The following ZBTB46 variants were observed in gnomAD, a reference collection of about 807,000 sequenced individuals.
The protein encoded by ZBTB46 is zinc finger and BTB domain containing 46, also known as zinc finger and BTB domain-containing protein 46.
Under a neutral mutation model 44.1 loss-of-function variants are expected in ZBTB46, and 8 were observed. The ratio of observed to expected loss-of-function variants is 0.18; its 90% CI spans 0.11 to 0.33. ZBTB46 has a LOEUF of 0.33. ZBTB46 is among the 10% of genes least tolerant of loss of function. The pLI is 1.00. For synonymous variants in ZBTB46, 409 were observed against 382.3 expected (o/e 1.07, Z -0.81); for missense variants, 651 against 847.7 (o/e 0.77, Z 2.88).
At position 63,775,784 on chromosome 20, in the gene ZBTB46, C is replaced by T. The variant is rs984437948; in HGVS notation, c.1116G>A (p.Ala372=). ...GCAGGCTGTTCTTACTCATGAGCGC[C>T]GCGCGCAGGTTGGCCACCGCGGTGG... ...HQATAVANLR[A]ALMSKNSLLS... is the part of the protein sequence containing the mutation. Residue 372 remains alanine (A), a synonymous_variant, in exon 3 of 5, where the codon GCG becomes GCA. Coordinates refer to ENST00000245663, the MANE Select transcript of ZBTB46 (RefSeq NM_001369741.1). The T allele has an allele frequency of 1.8e-5, 29 of 1,613,242 alleles. No homozygotes were observed. The highest frequency in any genetic ancestry group is 1.2e-4 in the Admixed American group (7 of 59,994).
At chr20:63,799,096 T>A (rs6010656) in intron 1 of ZBTB46, among the ~76,000 whole-genome samples, 26,607 of 151,702 alleles carry the variant, frequency 0.18, 2,799 homozygotes, top group East Asian at 0.45. Flanking sequence ...AGTGGCATGA[T>A]CAGGGCTCAC....
intron 1 of ZBTB46, among the ~76,000 whole-genome samples, chr20:63,793,673 C>T (rs6011115): frequency 2.1e-5 from 2 of 93,516 alleles, no homozygotes; most frequent in Non-Finnish European, 4.8e-5. Context: ...ATAGAAGCAG[C>T]GGCTACCTCA....
rs1333544716 is a variant in ZBTB46, at chr20:63,745,667, GTCC to G, written c.*1260_*1262del. 1 of 152,342 alleles carries G rather than the reference GTCC, an allele frequency of 6.6e-6. No individual in the cohort carries two copies. Among genetic ancestry groups the G allele is most frequent in the African/African-American group, 2.4e-5 (1 of 41,476 alleles). The allele number at this position is 152,342 out of a possible 1,614,324, so 9.4% of individuals were successfully genotyped here. On this transcript the variant is annotated 3_prime_UTR_variant, in exon 5 of 5. Transcript: ENST00000245663. ...CAGAGGAGGGGGTGAAGGATGGAATGTCCTCATGGTGAGTGCTGTCAGAGGCAG... is the reference window on the plus strand; with the variant it reads ...CAGAGGAGGGGGTGAAGGATGGAATGTCATGGTGAGTGCTGTCAGAGGCAG...
chr20:63,814,480 C>T (rs1397650646), intron 1 of ZBTB46, among the ~76,000 whole-genome samples: 2 of 152,154 alleles, frequency 1.3e-5, no homozygotes, highest in Non-Finnish European at 2.9e-5. Context: ...GGTGCAAATG[C>T]GGTGAGAGAG....
intron 3 of ZBTB46, among the ~76,000 whole-genome samples, chr20:63,773,252 A>G: frequency 7.5e-6 from 1 of 133,942 alleles, no homozygotes; most frequent in African/African-American, 3.1e-5. Flanking sequence ...TTTTTGAGAC[A>G]GTGTCTCACT....
intron 2 of ZBTB46, among the ~76,000 whole-genome samples, chr20:63,780,098 C>T (rs1337024057): frequency 6.6e-5 from 10 of 151,678 alleles, no homozygotes; most frequent in Non-Finnish European, 1.3e-4. Flanking sequence ...CGGTGAAACC[C>T]CGTCTCTACT....
At position 63,787,927 on chromosome 20, in the gene ZBTB46, G is replaced by C. The variant is rs1212636950; in HGVS notation, c.937+1894C>G. On this transcript the variant is annotated intron_variant, in intron 2 of 4. Coordinates refer to ENST00000245663, the MANE Select transcript of ZBTB46 (RefSeq NM_001369741.1). The surrounding 1 kb of genome is among the most constrained non-coding windows in gnomAD (Gnocchi z 4.6). Reference sequence around the variant, plus strand: ...CCTGCCCAGGAAGCCCTCCAGCCAGGGGGGCAGGCAGCGTCTCCCACTGCG... The same window carrying C: ...CCTGCCCAGGAAGCCCTCCAGCCAGCGGGGCAGGCAGCGTCTCCCACTGCG... The C allele has an allele frequency of 1.3e-5, 2 of 152,224 alleles. No individual in the cohort carries two copies. The highest frequency in any genetic ancestry group is 2.9e-5 in the Non-Finnish European group (2 of 68,038). 9.4% of individuals were successfully genotyped at this position (152,224 alleles called of 1,614,324 possible). A position where few individuals can be genotyped will look rare whatever the true frequency, so the allele number is the denominator to read the frequency against.
At chr20:63,757,539 C>A (rs993966082) in intron 3 of ZBTB46, among the ~76,000 whole-genome samples, 5 of 152,146 alleles carry the variant, frequency 3.3e-5, no homozygotes, top group Non-Finnish European at 5.9e-5. Context: ...CGGGCCCTGG[C>A]GGCGTGTCTA....
intron 1 of ZBTB46, among the ~76,000 whole-genome samples, chr20:63,799,780 C>A (rs964160805): frequency 1.3e-5 from 2 of 152,222 alleles, no homozygotes; most frequent in Non-Finnish European, 2.9e-5. Context: ...GCAAGCTCCC[C>A]CATGAGAGTG....
In ZBTB46 at chr20:63,778,654, G is replaced by A. The variant is rs115010225; in HGVS notation, c.938-2692C>T. On this transcript the variant is annotated intron_variant, in intron 2 of 4. Coordinates refer to ENST00000245663, the MANE Select transcript of ZBTB46 (RefSeq NM_001369741.1). ...GGAGTCTCCAGGGACAGTGACATTC[G>A]GACCGTCGAGCTACCTATGACTTCT... Among the ~76,000 whole-genome samples, 422 of 152,272 alleles carry A rather than the reference G, an allele frequency of 2.8e-3. 4 individuals are homozygous for A. Among genetic ancestry groups the A allele is most frequent in the African/African-American group, 9.8e-3 (407 of 41,552 alleles).
In ZBTB46 at chr20:63,803,273, TAAG is replaced by T; in HGVS notation, c.-33-12486_-33-12484del. On this transcript the variant is annotated intron_variant, in intron 1 of 4. Coordinates refer to ENST00000245663, the MANE Select transcript of ZBTB46 (RefSeq NM_001369741.1). The surrounding 1 kb of genome is among the most constrained non-coding windows in gnomAD (Gnocchi z 4.0). ...ATGGTTTACCTTCTTCTGAAAAAAT[TAAG>T]GTTAAGACATGAATACTGTGAAACT... 1.0e-6 allele frequency: 1 copy of T among 979,868 alleles called. No individual in the cohort carries two copies. Among genetic ancestry groups the T allele is most frequent in the Non-Finnish European group, 1.2e-6 (1 of 824,896 alleles). 60.7% of individuals were successfully genotyped at this position (979,868 alleles called of 1,614,324 possible).
chr20:63,762,393 C>A (rs2092284796), intron 3 of ZBTB46, among the ~76,000 whole-genome samples: 1 of 147,516 alleles, frequency 6.8e-6, no homozygotes, highest in South Asian at 2.2e-4. Flanking sequence ...GTAGCTCACA[C>A]CTGTAATCCC....
chr20:63,775,735 C>T lies in ZBTB46; in HGVS notation c.1165G>A (p.Gly389Arg). The change falls in exon 3 of 5, where the codon GGG (glycine) becomes AGG (arginine). Residue 389 changes from glycine to arginine, a missense_variant. Gly to Arg is a moderately radical substitution (Grantham distance 125). This residue lies in a region of ZBTB46 where 385 missense variants were observed against 423.3 expected (regional missense o/e 0.91). Coordinates refer to ENST00000245663, the MANE Select transcript of ZBTB46 (RefSeq NM_001369741.1). Reference sequence around the variant, plus strand: ...TCGAACAGCAGGGAGCCGTCATCCCCCAGCACGTCGGCCTTCAGCGACAGC... The same window carrying T: ...TCGAACAGCAGGGAGCCGTCATCCCTCAGCACGTCGGCCTTCAGCGACAGC... The part of the protein sequence containing the change: ...SLLSLKADVL[G>R]DDGSLLFEYL... 1 of 1,611,206 alleles carries T rather than the reference C, an allele frequency of 6.2e-7. No individual in the cohort carries two copies. Among genetic ancestry groups the T allele is most frequent in the Non-Finnish European group, 8.5e-7 (1 of 1,178,576 alleles).
intron 1 of ZBTB46, among the ~76,000 whole-genome samples, chr20:63,791,427 C>T (rs970074335): frequency 9.1e-5 from 12 of 132,104 alleles, no homozygotes; most frequent in African/African-American, 2.0e-4. Context: ...ACCCGGGAGG[C>T]GGAGCCTGCA....
At chr20:63,753,158 G>A (rs1179945941) in intron 3 of ZBTB46, among the ~76,000 whole-genome samples, 2 of 152,190 alleles carry the variant, frequency 1.3e-5, no homozygotes, top group Non-Finnish European at 2.9e-5. Context: ...GGGTAAGAAC[G>A]GCCAATGCTG....
chr20:63,768,187 T>G, intron 3 of ZBTB46: 2 of 910,614 alleles, frequency 2.2e-6, no homozygotes, highest in Non-Finnish European at 1.3e-6. Flanking sequence ...AACAAAACAT[T>G]AACACCTGCC....
chr20:63,766,362 C>G, intron 3 of ZBTB46, among the ~76,000 whole-genome samples: 1 of 151,758 alleles, frequency 6.6e-6, no homozygotes, highest in South Asian at 2.1e-4. Flanking sequence ...ATTACAGGCG[C>G]CCGCCACCAC....
At chr20:63,782,566 G>T (rs562005148) in intron 2 of ZBTB46, among the ~76,000 whole-genome samples, 1 of 152,252 alleles carries the variant, frequency 6.6e-6, no homozygotes, top group East Asian at 1.9e-4. Context: ...CCAGGTGCTT[G>T]CCAAAAGCAC....
chr20:63,818,156 G>C (rs2092770776), intron 1 of ZBTB46, among the ~76,000 whole-genome samples: 1 of 152,228 alleles, frequency 6.6e-6, no homozygotes, highest in Non-Finnish European at 1.5e-5. Flanking sequence ...GAGGTACACT[G>C]CAAGGGGCCC....
Sources: gnomAD v4.1 joint callset for allele counts (sites outside exome capture counted in the v4.1 genomes callset) on GRCh38, gnomAD v4.1.1 for gene constraint, gnomAD v4.1.1 regional missense constraint, Gnocchi (gnomAD v3.1) non-coding constraint, MANE v1.5 for transcripts, NCBI Gene and HGNC (gene_info 2026-07-23, HGNC 2026-07-21) for gene names.